Variants in ENOX1 observed in about 807,000 individuals in gnomAD.
ENOX1 encodes the protein ecto-NOX disulfide-thiol exchanger 1, also known as candidate growth-related and time keeping constitutive hydroquinone (NADH) oxidase.
Under a neutral mutation model 82.5 loss-of-function variants are expected in ENOX1, and 42 were observed. The ratio of observed to expected loss-of-function variants is 0.51; its 90% CI spans 0.40 to 0.66. The LOEUF (loss-of-function observed/expected upper bound fraction) is 0.66. Among genes scored for constraint, ENOX1 ranks in the 30% least tolerant of loss-of-function variants. ENOX1 has a pLI of 0.00. For missense variants in ENOX1, 608 were observed against 811.6 expected (o/e 0.75, Z 3.05); for synonymous variants, 271 against 282.2 (o/e 0.96, Z 0.40).
At chr13:43,721,282 A>C (rs1370590500) in intron 1 of ENOX1, among the ~76,000 whole-genome samples, 1 of 152,024 alleles carries the variant, frequency 6.6e-6, no homozygotes, top group Non-Finnish European at 1.5e-5. Context: ...TTAAATTTTT[A>C]ATTATTATTT....
intron 1 of ENOX1, among the ~76,000 whole-genome samples, chr13:43,726,943 T>TG (rs2089014865): frequency 6.6e-6 from 1 of 152,150 alleles, no homozygotes; most frequent in African/African-American, 2.4e-5. Context: ...GGTTTCACCA[T>TG]GTTGGTTAGG....
Position 43,265,315 on chromosome 13 carries a change from T to C in ENOX1, c.1611+83A>G, listed in dbSNP as rs2044304940. On this transcript the variant is annotated intron_variant, in intron 14 of 16. Coordinates refer to ENST00000690772, the MANE Select transcript of ENOX1 (RefSeq NM_001347969.2). Reference sequence around the variant, plus strand: ...GACAGGCAGAGCTTCTGATTTCCTTTATGTGGTAGATAAAGTGCTACATCC... The same window carrying C: ...GACAGGCAGAGCTTCTGATTTCCTTCATGTGGTAGATAAAGTGCTACATCC... 3 of 1,193,762 alleles carry C rather than the reference T, an allele frequency of 2.5e-6. No homozygotes were observed. The Admixed American group carries it at 6.5e-5, about 26-fold the overall frequency. 73.9% of individuals were successfully genotyped at this position (1,193,762 alleles called of 1,614,324 possible).
At chr13:43,291,625 C>T (rs1043387613) in intron 12 of ENOX1, among the ~76,000 whole-genome samples, 4 of 152,132 alleles carry the variant, frequency 2.6e-5, no homozygotes, top group African/African-American at 9.7e-5. Flanking sequence ...GCAATACTCT[C>T]CATGCTTCCC....
At chr13:43,649,652 T>C (rs1164773117) in intron 2 of ENOX1, among the ~76,000 whole-genome samples, 2 of 152,128 alleles carry the variant, frequency 1.3e-5, no homozygotes, top group African/African-American at 4.8e-5. Context: ...AAGAAGACAT[T>C]TCCCTGACAT....
At chr13:43,753,698 T>C (rs1419095005) in intron 1 of ENOX1, among the ~76,000 whole-genome samples, 1 of 152,196 alleles carries the variant, frequency 6.6e-6, no homozygotes, top group Non-Finnish European at 1.5e-5. Flanking sequence ...TTGGCCTAGA[T>C]AGTTTGAGCC....
chr13:43,416,279 GCGGCCGGGC>G, intron 3 of ENOX1, among the ~76,000 whole-genome samples: 1 of 146,726 alleles, frequency 6.8e-6, no homozygotes. Context: ...CCCAGACGGG[GCGGCCGGGC>G]AGAGATGCTC....
At chr13:43,527,447 C>T (rs1197997097) in intron 2 of ENOX1, among the ~76,000 whole-genome samples, 1 of 152,064 alleles carries the variant, frequency 6.6e-6, no homozygotes, top group Non-Finnish European at 1.5e-5. Context: ...CAGACTTTCT[C>T]TCCCCTAAAA....
chr13:43,514,140 ATTTCAGC>A (rs2077474019), intron 2 of ENOX1, among the ~76,000 whole-genome samples: 1 of 152,142 alleles, frequency 6.6e-6, no homozygotes, highest in African/African-American at 2.4e-5. Flanking sequence ...GCAATTTTTT[ATTTCAGC>A]TCTTTTCTTT....
intron 12 of ENOX1, among the ~76,000 whole-genome samples, chr13:43,292,775 C>T (rs566085900): frequency 3.2e-4 from 41 of 129,632 alleles, no homozygotes; most frequent in African/African-American, 7.3e-4. Flanking sequence ...GCCACTATGG[C>T]CCCTTCACCA....
chr13:43,269,396 G>A (rs755832608), intron 13 of ENOX1, 74 bp downstream of exon 13: 12 of 1,130,656 alleles, frequency 1.1e-5, no homozygotes, highest in Admixed American at 7.0e-5. Context: ...ATGTTTGCAC[G>A]GGTGACGCAC....
At chr13:43,630,329 CT>C (rs1233118483) in intron 2 of ENOX1, among the ~76,000 whole-genome samples, 3 of 152,150 alleles carry the variant, frequency 2.0e-5, no homozygotes. Flanking sequence ...TACACCACAT[CT>C]TTATTTTCTG....
intron 1 of ENOX1, among the ~76,000 whole-genome samples, chr13:43,724,176 G>C (rs1412673561): frequency 6.6e-6 from 1 of 152,128 alleles, no homozygotes; most frequent in Non-Finnish European, 1.5e-5. Context: ...TACCCAAATA[G>C]AAGTGTCTAC....
intron 2 of ENOX1, among the ~76,000 whole-genome samples, chr13:43,640,917 C>A: frequency 1.2e-4 from 1 of 8,646 alleles, no homozygotes; most frequent in Admixed American, 1.9e-3. Context: ...CGCACGCACA[C>A]ATACACACAC....
At chr13:43,459,828 C>G (rs902172012) in intron 3 of ENOX1, among the ~76,000 whole-genome samples, 4 of 152,112 alleles carry the variant, frequency 2.6e-5, no homozygotes, top group Non-Finnish European at 5.9e-5. Flanking sequence ...CCCATCTCTA[C>G]TAACACTACA....
At chr13:43,445,147 G>A (rs1469930290) in intron 3 of ENOX1, among the ~76,000 whole-genome samples, 3 of 137,078 alleles carry the variant, frequency 2.2e-5, no homozygotes, top group Non-Finnish European at 3.1e-5. Flanking sequence ...TTTTTGATAC[G>A]GAGTCTTGCT....
chr13:43,509,596 C>T (rs1198295026), intron 2 of ENOX1, among the ~76,000 whole-genome samples: 3 of 151,986 alleles, frequency 2.0e-5, no homozygotes, highest in Non-Finnish European at 4.4e-5. Flanking sequence ...AACTACTCTG[C>T]AATATAGATT....
chr13:43,460,040 TAAC>T (rs1265464306), intron 3 of ENOX1, among the ~76,000 whole-genome samples: 2 of 152,000 alleles, frequency 1.3e-5, no homozygotes, highest in Non-Finnish European at 2.9e-5. Context: ...AACCAAAAAA[TAAC>T]AACAAGAAAA....
chr13:43,222,012 G>T (rs2070078111), intron 16 of ENOX1, among the ~76,000 whole-genome samples: 1 of 152,206 alleles, frequency 6.6e-6, no homozygotes, highest in African/African-American at 2.4e-5. Context: ...GCATGAGAAG[G>T]AACCTGACAG....
At chr13:43,254,728 CAA>C (rs2043647859) in intron 14 of ENOX1, among the ~76,000 whole-genome samples, 1 of 152,124 alleles carries the variant, frequency 6.6e-6, no homozygotes, top group Non-Finnish European at 1.5e-5. Flanking sequence ...ACAGAAAACA[CAA>C]ATGATCCTTA....
Sources: allele counts gnomAD v4.1 joint callset (sites outside exome capture counted in the v4.1 genomes callset), GRCh38; gene constraint gnomAD v4.1.1; transcripts MANE v1.5; gene names NCBI Gene and HGNC (gene_info 2026-07-23, HGNC 2026-07-21).